Variants in SEPTIN11 observed in about 807,000 individuals in gnomAD.
The protein encoded by SEPTIN11 is septin-11.
SEPTIN11 carries 25 observed loss-of-function variants against 51.4 expected under a neutral mutation model. That is an observed-to-expected ratio of 0.49 (90% CI 0.35 to 0.68). The LOEUF is 0.68. SEPTIN11 is among the 30% of genes least tolerant of loss of function. SEPTIN11 has a pLI of 0.00. For synonymous variants in SEPTIN11, 174 were observed against 184.1 expected (o/e 0.95, Z 0.44); for missense variants, 381 against 520.8 (o/e 0.73, Z 2.61).
intron 5 of SEPTIN11, among the ~76,000 whole-genome samples, chr4:77,017,275 A>G (rs1389699844): frequency 6.6e-6 from 1 of 152,204 alleles, no homozygotes; most frequent in Admixed American, 6.5e-5. Flanking sequence ...TTATCAGATT[A>G]ATAGAACTGA....
intron 1 of SEPTIN11, among the ~76,000 whole-genome samples, chr4:76,950,236 C>G (rs914800226): frequency 7.2e-5 from 11 of 152,298 alleles, no homozygotes; most frequent in African/African-American, 1.2e-4. Flanking sequence ...TCAGCCGCCT[C>G]CCTCTGCCCG....
chr4:76,996,843 G>T (rs530948423), intron 2 of SEPTIN11, among the ~76,000 whole-genome samples: 82 of 150,542 alleles, frequency 5.4e-4, no homozygotes, highest in Non-Finnish European at 8.4e-4. Flanking sequence ...TTTGGACTAG[G>T]CCTCTGCCTT....
chr4:77,006,621 T>A (rs1724493257), intron 3 of SEPTIN11, among the ~76,000 whole-genome samples: 1 of 152,190 alleles, frequency 6.6e-6, no homozygotes, highest in Non-Finnish European at 1.5e-5. Flanking sequence ...AGTTACAACA[T>A]TATGGGCATA....
In SEPTIN11 at chr4:77,024,309, T is replaced by TA. The variant is rs1013292586; in HGVS notation, c.953+3639_953+3640insA. Among the ~76,000 whole-genome samples, 1 of 152,138 alleles carries TA rather than the reference T, an allele frequency of 6.6e-6. No individual in the cohort carries two copies. The highest frequency in any genetic ancestry group is 2.4e-5 in the African/African-American group (1 of 41,426). On this transcript the variant is annotated intron_variant, in intron 7 of 9. Transcript: ENST00000264893. This position sits in a 1 kb window ranked among gnomAD's most constrained non-coding sequence, Gnocchi z 4.2. Reference sequence around the variant, plus strand: ...ATATGTATATAACCAGACATTCATCTGCTCTTTCCCAAGCCCATCTTTATC... The same window carrying TA: ...ATATGTATATAACCAGACATTCATCTAGCTCTTTCCCAAGCCCATCTTTATC...
At chr4:76,979,176 G>A (rs183297979) in intron 1 of SEPTIN11, among the ~76,000 whole-genome samples, 105 of 152,342 alleles carry the variant, frequency 6.9e-4, no homozygotes, top group Middle Eastern at 3.4e-3. Flanking sequence ...CTCAAAAAAT[G>A]TACATTCTTT....
chr4:77,035,386 A>G lies in SEPTIN11; in HGVS notation c.*874A>G, dbSNP rs1329902160. On this transcript the variant is annotated 3_prime_UTR_variant, in exon 10 of 10. Transcript: ENST00000264893. ...CTCAGTTTGTTCCCAGTGGGCTTAG[A>G]GGGAGGACCTGATGACTGATTCCAG... 27 of 985,290 alleles carry G rather than the reference A, an allele frequency of 2.7e-5. No individual in the cohort carries two copies. The highest frequency in any genetic ancestry group is 6.2e-5 in the Admixed American group (1 of 16,256). 61.0% of individuals were successfully genotyped at this position (985,290 alleles called of 1,614,324 possible).
chr4:77,037,637 G>T lies in SEPTIN11; in HGVS notation c.*3125G>T. 2.0e-6 allele frequency: 2 copies of T among 985,570 alleles called. No homozygotes were observed. The highest frequency in any genetic ancestry group is 2.4e-6 in the Non-Finnish European group (2 of 829,946). The allele number at this position is 985,570 out of a possible 1,614,324, so 61.1% of individuals were successfully genotyped here. On this transcript the variant is annotated 3_prime_UTR_variant, in exon 10 of 10. Transcript: ENST00000264893. ...ATTGAGGGGCCTACATAACTAGCTG[G>T]CCTTACCCCATATCTTTTGTTCAAA...
chr4:76,949,836 G>A lies in SEPTIN11; in HGVS notation c.-68G>A. ...GCGCGAGGGAGGCGAGCCGGAGCCC[G>A]AGCACTAGCAGCAGCCGGAGTCGGC... On this transcript the variant is annotated 5_prime_UTR_variant, in exon 1 of 10. Transcript: ENST00000264893. The A allele has an allele frequency of 1.3e-6, 2 of 1,484,938 alleles. No individual in the cohort carries two copies. The highest frequency in any genetic ancestry group is 1.8e-6 in the Non-Finnish European group (2 of 1,114,164). 92.0% of individuals were successfully genotyped at this position (1,484,938 alleles called of 1,614,324 possible). A position where few individuals can be genotyped will look rare whatever the true frequency, so the allele number is the denominator to read the frequency against.
At chr4:77,039,823 T>A (rs1401301534), downstream of SEPTIN11, 4 of 788,832 alleles carry the variant, frequency 5.1e-6, no homozygotes, top group Non-Finnish European at 4.6e-6. Context: ...TATTTGACTT[T>A]TTCTGTTACT....
intron 4 of SEPTIN11, among the ~76,000 whole-genome samples, chr4:77,013,573 T>A (rs1407025140): frequency 6.6e-6 from 1 of 152,234 alleles, no homozygotes; most frequent in East Asian, 1.9e-4. Flanking sequence ...CTTGTTCCTC[T>A]GGTCCTGATC....
chr4:76,974,616 T>C, intron 1 of SEPTIN11: 1 of 395,306 alleles, frequency 2.5e-6, no homozygotes, highest in Non-Finnish European at 5.0e-6. Flanking sequence ...AGGTCATTTG[T>C]AGACAGATTC....
intron 2 of SEPTIN11, among the ~76,000 whole-genome samples, chr4:77,002,068 G>A (rs1724156426): frequency 6.6e-6 from 1 of 152,086 alleles, no homozygotes; most frequent in African/African-American, 2.4e-5. Flanking sequence ...ACTGCTTTTG[G>A]TGAATCACAC....
At chr4:77,008,159 G>C (rs978370491) in intron 3 of SEPTIN11, among the ~76,000 whole-genome samples, 1 of 152,204 alleles carries the variant, frequency 6.6e-6, no homozygotes, top group Non-Finnish European at 1.5e-5. Flanking sequence ...TGTTATTTAA[G>C]GGCTTCCTTG....
chr4:76,995,400 TAAAAA>T (rs1224343313), intron 1 of SEPTIN11, among the ~76,000 whole-genome samples: 2 of 151,380 alleles, frequency 1.3e-5, no homozygotes, highest in East Asian at 3.9e-4. Flanking sequence ...ATAATAAAAA[TAAAAA>T]TAATAAATAA....
intron 1 of SEPTIN11, among the ~76,000 whole-genome samples, chr4:76,966,649 C>T (rs1172714556): frequency 6.7e-6 from 1 of 148,590 alleles, no homozygotes; most frequent in Non-Finnish European, 1.5e-5. Flanking sequence ...ATCACTTGAG[C>T]CCAGGAGGTT....
chr4:77,039,321 TAAAAAGG>T (rs1451311301), downstream of SEPTIN11: 4 of 1,090,314 alleles, frequency 3.7e-6, no homozygotes, highest in African/African-American at 5.1e-5. Flanking sequence ...TAATATTAAT[TAAAAAGG>T]AAAAAGGAAA....
chr4:76,997,953 G>A (rs779630861), intron 2 of SEPTIN11, among the ~76,000 whole-genome samples: 3 of 152,136 alleles, frequency 2.0e-5, no homozygotes, highest in Non-Finnish European at 4.4e-5. Flanking sequence ...CCTGGCTCCT[G>A]CAGGGGACGG....
chr4:76,949,890 G>A lies in SEPTIN11; in HGVS notation c.-14G>A. 1.3e-6 allele frequency: 2 copies of A among 1,528,626 alleles called. No individual in the cohort carries two copies. Among genetic ancestry groups the A allele is most frequent in the East Asian group, 2.7e-5 (1 of 37,566 alleles). The allele number at this position is 1,528,626 out of a possible 1,614,324, so 94.7% of individuals were successfully genotyped here. On this transcript the variant is annotated 5_prime_UTR_variant, in exon 1 of 10. In the 5' UTR this introduces an upstream ATG that the reference lacks. Coordinates refer to ENST00000264893, the MANE Select transcript of SEPTIN11 (RefSeq NM_018243.4). Reference sequence around the variant, plus strand: ...AAGCACCCGGGCGCAGCCGGAGCCGGTGCCGCAGCTGCGATGGCCGTGGCC... The same window carrying A: ...AAGCACCCGGGCGCAGCCGGAGCCGATGCCGCAGCTGCGATGGCCGTGGCC...
Position 77,030,908 on chromosome 4 carries a change from A to C in SEPTIN11, c.1212A>C (p.Leu404Phe). Reference sequence around the variant, plus strand: ...AGAAGAAGAAAGCAGCGGCTCAGTTACTACAGTCCCAGGCCCAGCAATCTG... The same window carrying C: ...AGAAGAAGAAAGCAGCGGCTCAGTTCCTACAGTCCCAGGCCCAGCAATCTG... ...NFQKKKAAAQ[L>F]LQSQAQQSGA... Residue 404 changes from leucine to phenylalanine, a missense_variant, in exon 9 of 10, where the codon TTA (leucine) becomes TTC (phenylalanine). Physicochemically the swap from Leu to Phe is conservative, Grantham distance 22. Coordinates refer to ENST00000264893, the MANE Select transcript of SEPTIN11 (RefSeq NM_018243.4). 1 of 1,613,536 alleles carries C rather than the reference A, an allele frequency of 6.2e-7. No individual in the cohort carries two copies. The highest frequency in any genetic ancestry group is 8.5e-7 in the Non-Finnish European group (1 of 1,179,902).
Sources: gnomAD v4.1 joint callset for allele counts (sites outside exome capture counted in the v4.1 genomes callset) on GRCh38, gnomAD v4.1.1 for gene constraint, Gnocchi (gnomAD v3.1) non-coding constraint, MANE v1.5 for transcripts, NCBI Gene and HGNC (gene_info 2026-07-23, HGNC 2026-07-21) for gene names.